The following SLC22A5 variants were observed in gnomAD, a reference collection of about 807,000 sequenced individuals.
SLC22A5 encodes the protein solute carrier family 22 member 5.
SLC22A5 carries 44 observed loss-of-function variants against 56.7 expected under a neutral mutation model. The ratio of observed to expected loss-of-function variants is 0.78; its 90% CI spans 0.61 to 1.00. The LOEUF (loss-of-function observed/expected upper bound fraction) is 1.00, where lower values mean the gene tolerates loss of function less well. Among genes scored for constraint, SLC22A5 ranks in the 50% least tolerant of loss-of-function variants. The pLI is 0.00. For missense variants in SLC22A5, 675 were observed against 723.0 expected, an observed-to-expected ratio of 0.93 and a Z score of 0.76; for synonymous variants, 278 against 292.1, an observed-to-expected ratio of 0.95 and a Z score of 0.49.
intron 1 of SLC22A5, chr5:132,378,139 C>T: frequency 1.3e-6 from 2 of 1,558,192 alleles, no homozygotes; most frequent in African/African-American, 1.4e-5. Context: ...TACTCTCTGC[C>T]TGTCTCTCCT....
At chr5:132,393,041 C>T (rs1752760882) in intron 8 of SLC22A5, among the ~76,000 whole-genome samples, 1 of 152,154 alleles carries the variant, frequency 6.6e-6, no homozygotes, top group Non-Finnish European at 1.5e-5. Context: ...TAACCTAGAG[C>T]ACTATAGAGT....
intron 1 of SLC22A5, 41 bp from the exon 2 acceptor site, chr5:132,378,337 A>G: frequency 6.2e-7 from 1 of 1,612,154 alleles, no homozygotes; most frequent in Non-Finnish European, 8.5e-7. Flanking sequence ...AAAACCTTTT[A>G]AAAAGAAGTG....
chr5:132,378,963 A>C, intron 2 of SLC22A5: 1 of 187,982 alleles, frequency 5.3e-6, no homozygotes, highest in Non-Finnish European at 1.1e-5. Context: ...GAAAAGCAGA[A>C]CTCTTTTGTC....
chr5:132,370,153 G>C lies in SLC22A5; in HGVS notation c.181G>C (p.Ala61Pro). 1.2e-6 allele frequency: 2 copies of C among 1,608,720 alleles called. No homozygotes were observed. Reference protein sequence around the residue: ...RVPDAANLSSAWRNHTVPLRL... With the variant: ...RVPDAANLSSPWRNHTVPLRL... ...GCCGGACGCCGCGAACCTGAGCAGCGCCTGGCGCAACCACACTGTCCCACT... is the reference window on the plus strand; with the variant it reads ...GCCGGACGCCGCGAACCTGAGCAGCCCCTGGCGCAACCACACTGTCCCACT... Residue 61 changes from alanine (A) to proline (P), a missense_variant, in exon 1 of 10, where the codon GCC (alanine) becomes CCC (proline). By Grantham distance (27) the Ala-to-Pro change is conservative. Coordinates refer to ENST00000245407, the MANE Select transcript of SLC22A5 (RefSeq NM_003060.4).
At chr5:132,378,818 T>C (rs1335307800) in intron 2 of SLC22A5, 1 of 374,452 alleles carries the variant, frequency 2.7e-6, no homozygotes, top group Admixed American at 3.7e-5. Flanking sequence ...ATGGGAGAGG[T>C]TGACATCATG....
At position 132,370,148 on chromosome 5, in the gene SLC22A5, G is replaced by A. The variant is rs1482607262; in HGVS notation, c.176G>A (p.Ser59Asn). The A allele has an allele frequency of 2.5e-6, 4 of 1,608,924 alleles. No homozygotes were observed. Among genetic ancestry groups the A allele is most frequent in the Non-Finnish European group, 3.4e-6 (4 of 1,178,106 alleles). ...RCRVPDAANL[S>N]SAWRNHTVPL... ...CGGGTGCCGGACGCCGCGAACCTGAGCAGCGCCTGGCGCAACCACACTGTC... is the reference window on the plus strand; with the variant it reads ...CGGGTGCCGGACGCCGCGAACCTGAACAGCGCCTGGCGCAACCACACTGTC... The change falls in exon 1 of 10, where the codon AGC becomes AAC. Residue 59 changes from serine to asparagine, a missense_variant. Ser to Asn is a conservative substitution (Grantham distance 46). Transcript: ENST00000245407.
intron 6 of SLC22A5, chr5:132,389,399 T>G: frequency 3.0e-6 from 1 of 338,352 alleles, no homozygotes; most frequent in Non-Finnish European, 5.8e-6. Flanking sequence ...CACCATGTCC[T>G]GTAGGCTGCA....
At chr5:132,388,509 A>T (rs1561573798) in intron 5 of SLC22A5, among the ~76,000 whole-genome samples, 1 of 152,184 alleles carries the variant, frequency 6.6e-6, no homozygotes, top group Non-Finnish European at 1.5e-5. Context: ...ATTAACTTTT[A>T]AAAAATATCA....
At chr5:132,376,526 T>C (rs1426741659) in intron 1 of SLC22A5, 1 of 152,178 alleles carries the variant, frequency 6.6e-6, no homozygotes, top group Non-Finnish European at 1.5e-5. Flanking sequence ...AAGGAGTCTT[T>C]AGAAGCCTGA....
intron 6 of SLC22A5, 152 bp downstream of exon 6, chr5:132,389,173 G>A: frequency 1.5e-6 from 1 of 664,930 alleles, no homozygotes; most frequent in South Asian, 1.6e-5. Flanking sequence ...GAAAAAATGG[G>A]CATGTCACAA....
At chr5:132,373,402 C>T (rs1304206957) in intron 1 of SLC22A5, among the ~76,000 whole-genome samples, 1 of 151,996 alleles carries the variant, frequency 6.6e-6, no homozygotes, top group Non-Finnish European at 1.5e-5. Flanking sequence ...TTTGGGAAGC[C>T]AAGGCAGCAG....
Position 132,384,225 on chromosome 5 carries a change from T to C in SLC22A5, c.576T>C (p.Asn192=). 6.2e-7 allele frequency: 1 copy of C among 1,614,186 alleles called. No individual in the cohort carries two copies. ...GCTTCCTGCAGATCTTCTCGAAGAA[T>C]TTTGAGATGTTTGTCGTGCTGTTTG... ...GFSFLQIFSK[N]FEMFVVLFVL... The change falls in exon 3 of 10, where the codon AAT becomes AAC. Residue 192 remains asparagine (N), a synonymous_variant. Transcript: ENST00000245407.
chr5:132,373,751 C>G (rs1409848177), intron 1 of SLC22A5, among the ~76,000 whole-genome samples: 1 of 152,226 alleles, frequency 6.6e-6, no homozygotes, highest in Non-Finnish European at 1.5e-5. Context: ...GGCCTCTCCT[C>G]TGGCCCCTCA....
At position 132,385,331 on chromosome 5, in the gene SLC22A5, C is replaced by A; in HGVS notation, c.656C>A (p.Thr219Lys). The A allele has an allele frequency of 6.2e-7, 1 of 1,613,878 alleles. No homozygotes were observed. Among genetic ancestry groups the A allele is most frequent in the Non-Finnish European group, 8.5e-7 (1 of 1,179,900 alleles). The stretch of plus-strand genomic sequence containing the variant: ...CGACCTCCCTTGTTTTGAACAGGGA[C>A]AGAAATTCTTGGCAAGTCAGTTCGT... The part of the protein sequence containing the change: ...SNYVAAFVLG[T>K]EILGKSVRII... The change falls in exon 4 of 10, where the codon ACA becomes AAA. Residue 219 changes from threonine (T) to lysine (K), a missense_variant. Coordinates refer to ENST00000245407, the MANE Select transcript of SLC22A5 (RefSeq NM_003060.4).
chr5:132,391,001 T>C, intron 7 of SLC22A5, 97 bp downstream of exon 7: 1 of 982,698 alleles, frequency 1.0e-6, no homozygotes, highest in South Asian at 1.4e-5. Flanking sequence ...ATCAAGCCCA[T>C]CACAGCTCCC....
At position 132,394,358 on chromosome 5, in the gene SLC22A5, G is replaced by T; in HGVS notation, c.*86G>T. 1 of 944,592 alleles carries T rather than the reference G, an allele frequency of 1.1e-6. No homozygotes were observed. Among genetic ancestry groups the T allele is most frequent in the South Asian group, 1.3e-5 (1 of 76,060 alleles). 58.5% of individuals were successfully genotyped at this position (944,592 alleles called of 1,614,324 possible). ...TTGTGCAGACTCCGAGTCCTTCAGTGACAAAAGGCCTTTGCTGTTTGTCCT... is the reference window on the plus strand; with the variant it reads ...TTGTGCAGACTCCGAGTCCTTCAGTTACAAAAGGCCTTTGCTGTTTGTCCT... On this transcript the variant is annotated 3_prime_UTR_variant, in exon 10 of 10. Coordinates refer to ENST00000245407, the MANE Select transcript of SLC22A5 (RefSeq NM_003060.4).
In SLC22A5 at chr5:132,378,319, T is replaced by G; in HGVS notation, c.394-59T>G. ...TTCTGACTTCATTTTCCAGGATGCC[T>G]TTGCTTTAAAACCTTTTAAAAAGAA... On this transcript the variant is annotated intron_variant, in intron 1 of 9. Transcript: ENST00000245407. 5 of 1,612,248 alleles carry G rather than the reference T, an allele frequency of 3.1e-6. No individual in the cohort carries two copies. The South Asian group carries it at 5.5e-5, about 18-fold the overall frequency.
At chr5:132,371,469 G>A (rs144999939) in intron 1 of SLC22A5, among the ~76,000 whole-genome samples, 225 of 152,210 alleles carry the variant, frequency 1.5e-3, no homozygotes, top group African/African-American at 5.2e-3. Flanking sequence ...TGTCCCCTCC[G>A]AACCTGTTGG....
chr5:132,384,208 C>A lies in SLC22A5; in HGVS notation c.559C>A (p.Gln187Lys). Residue 187 changes from glutamine to lysine, a missense_variant, in exon 3 of 10, where the codon CAG becomes AAG. Physicochemically the swap from Gln to Lys is moderately conservative, Grantham distance 53. Coordinates refer to ENST00000245407, the MANE Select transcript of SLC22A5 (RefSeq NM_003060.4). ...MGMQTGFSFL[Q>K]IFSKNFEMFV... ...CATGCAGACAGGCTTCAGCTTCCTG[C>A]AGATCTTCTCGAAGAATTTTGAGAT... 1 of 1,614,202 alleles carries A rather than the reference C, an allele frequency of 6.2e-7. No homozygotes were observed.
Sources: gnomAD v4.1 joint callset for allele counts (sites outside exome capture counted in the v4.1 genomes callset) on GRCh38, gnomAD v4.1.1 for gene constraint, MANE v1.5 for transcripts, NCBI Gene and HGNC (gene_info 2026-07-23, HGNC 2026-07-21) for gene names.